The following DDX6 variants were observed in gnomAD, a reference collection of about 807,000 sequenced individuals.
DDX6 encodes the protein probable ATP-dependent RNA helicase DDX6.
DDX6 carries 7 observed loss-of-function variants against 60.6 expected under a neutral mutation model. That is an observed-to-expected ratio of 0.12 (90% confidence interval 0.07 to 0.22). The LOEUF (loss-of-function observed/expected upper bound fraction) is 0.22. DDX6 is among the 10% of genes least tolerant of loss of function. The pLI is 1.00. For missense variants in DDX6, 270 were observed against 589.9 expected (o/e 0.46, Z 5.62); for synonymous variants, 207 against 201.0 (o/e 1.03, Z -0.25).
In DDX6 at chr11:118,781,073, C is replaced by T. The variant is rs558576001; in HGVS notation, c.264+48G>A. The stretch of plus-strand genomic sequence containing the variant: ...GATACCGAGGGACAGCTATACCTCA[C>T]TTCTAGTTCCCCACCATTATTCTAC... On this transcript the variant is annotated intron_variant, in intron 3 of 13. Coordinates refer to ENST00000534980, the MANE Select transcript of DDX6 (RefSeq NM_004397.6). 6 of 1,329,232 alleles carry T rather than the reference C, an allele frequency of 4.5e-6. No homozygotes were observed. The African/African-American group carries it at 8.6e-5, about 19-fold the overall frequency. The allele number at this position is 1,329,232 out of a possible 1,614,324, so 82.3% of individuals were successfully genotyped here.
intron 1 of DDX6, chr11:118,787,856 T>C (rs990377909): frequency 6.6e-6 from 1 of 152,054 alleles, no homozygotes; most frequent in African/African-American, 2.4e-5. Context: ...TATTCATTTA[T>C]AACAAACTTA....
intron 2 of DDX6, 177 bp downstream of exon 2, chr11:118,785,875 T>G: frequency 1.9e-6 from 1 of 529,680 alleles, no homozygotes. Context: ...CTGAACAAAT[T>G]ATGGCAGAAA....
At chr11:118,755,595 T>A (rs781875859) in intron 11 of DDX6, 92 bp from the exon 12 acceptor site, 22 of 694,144 alleles carry the variant, frequency 3.2e-5, no homozygotes, top group Non-Finnish European at 4.9e-5. Flanking sequence ...CCTAAGTTTA[T>A]TAATTTAATT....
At chr11:118,783,573 C>A (rs547073912) in intron 2 of DDX6, among the ~76,000 whole-genome samples, 1 of 151,086 alleles carries the variant, frequency 6.6e-6, no homozygotes, top group Admixed American at 6.6e-5. Flanking sequence ...GAGGCCGAGG[C>A]AGGCAGATCA....
chr11:118,755,007 T>C, intron 12 of DDX6, 120 bp from the exon 13 acceptor site: 1 of 914,256 alleles, frequency 1.1e-6, no homozygotes. Flanking sequence ...CCATTCTTAG[T>C]ATGCAAAACA....
chr11:118,777,897 G>A (rs200972666), intron 4 of DDX6, among the ~76,000 whole-genome samples: 1,998 of 98,844 alleles, frequency 0.02, no homozygotes, highest in African/African-American at 0.025. Context: ...TCAAAAAAGA[G>A]AAAAAAAAAA....
rs1555164650 is a variant in DDX6, at chr11:118,781,178, A to T, written c.207T>A (p.Gly69=). 3 of 1,601,200 alleles carry T rather than the reference A, an allele frequency of 1.9e-6. No individual in the cohort carries two copies. The East Asian group carries it at 6.7e-5, about 36-fold the overall frequency. The change falls in exon 3 of 14, where the codon GGT becomes GGA. Residue 69 remains glycine, a synonymous_variant. Transcript: ENST00000534980. ...GTTTTAAAGTCTTTTTCCAGTCATC[A>T]CCAGGTCTAGAGAGAATACAGTAAA... ...AQSMTTTIKP[G]DDWKKTLKLP... is the part of the protein sequence containing the mutation.
At chr11:118,790,071 C>G (rs1050984058) in intron 1 of DDX6, 1 of 152,184 alleles carries the variant, frequency 6.6e-6, no homozygotes, top group Admixed American at 6.5e-5. Context: ...CCAACAAGAG[C>G]TTTTGTTTGC....
Position 118,747,901 on chromosome 11 carries a change from G to GGCCCC in DDX6, c.*4203_*4204insGGGGC, listed in dbSNP as rs1352818982. 7 of 101,140 alleles carry GGCCCC rather than the reference G, an allele frequency of 6.9e-5. No individual in the cohort carries two copies. Among genetic ancestry groups the GGCCCC allele is most frequent in the Non-Finnish European group, 7.8e-5 (4 of 51,574 alleles). The allele number at this position is 101,140 out of a possible 1,614,324, so 6.3% of individuals were successfully genotyped here. ...CATAACACATCCCAACAAAAACAGAGCCCCCCCCCCCCCCACTGGAACATC... is the reference window on the plus strand; with the variant it reads ...CATAACACATCCCAACAAAAACAGAGGCCCCCCCCCCCCCCCCCCACTGGAACATC... On this transcript the variant is annotated 3_prime_UTR_variant, in exon 14 of 14. Transcript: ENST00000534980.
intron 6 of DDX6, among the ~76,000 whole-genome samples, chr11:118,764,797 C>T (rs1255738597): frequency 1.1e-5 from 1 of 93,196 alleles, no homozygotes; most frequent in Admixed American, 1.1e-4. Context: ...GAGCAAGACT[C>T]CATCTCCAAA....
rs1210696281 is a variant in DDX6 at position 118,750,112 on chromosome 11, T to C, written c.*1993A>G. 3 of 152,608 alleles carry C rather than the reference T, an allele frequency of 2.0e-5. No homozygotes were observed. In the South Asian group the frequency reaches 6.2e-4, roughly 32 times the overall value. The allele number at this position is 152,608 out of a possible 1,614,324, so 9.5% of individuals were successfully genotyped here. A position where few individuals can be genotyped will look rare whatever the true frequency, so the allele number is the denominator to read the frequency against. ...CCAAAAGAGTTAAAACATTAAAGTATATGCGGGACTTATTTTGTAATATTT... is the reference window on the plus strand; with the variant it reads ...CCAAAAGAGTTAAAACATTAAAGTACATGCGGGACTTATTTTGTAATATTT... On this transcript the variant is annotated 3_prime_UTR_variant, in exon 14 of 14. Coordinates refer to ENST00000534980, the MANE Select transcript of DDX6 (RefSeq NM_004397.6).
chr11:118,783,826 T>TAAAAAAAAAAAAAAAAA (rs1591925039), intron 2 of DDX6, among the ~76,000 whole-genome samples: 3 of 55,502 alleles, frequency 5.4e-5, no homozygotes, highest in South Asian at 7.2e-4. Context: ...AAAAAAAAAT[T>TAAAAAAAAAAAAAAAAA]AAAAATAGGC....
intron 5 of DDX6, chr11:118,767,598 T>C (rs1861396865): frequency 6.8e-6 from 1 of 148,096 alleles, no homozygotes; most frequent in African/African-American, 2.5e-5. Context: ...CAATGTCAAC[T>C]AATTTAACTT....
At position 118,783,012 on chromosome 11, in the gene DDX6, A is replaced by G. The variant is rs973911742; in HGVS notation, c.201-1828T>C. On this transcript the variant is annotated intron_variant, in intron 2 of 13. Transcript: ENST00000534980. ...ACCGTTGAATTCAACAAAATAGTGA[A>G]TAATAATGCGTAAGATACAATGCAA... Among the ~76,000 whole-genome samples the G allele has an allele frequency of 5.9e-5, 9 of 152,186 alleles. No homozygotes were observed. The South Asian group carries it at 1.9e-3, about 32-fold the overall frequency.
At chr11:118,768,436 C>G in intron 4 of DDX6, 84 bp from the exon 5 acceptor site, 1 of 1,454,790 alleles carries the variant, frequency 6.9e-7, no homozygotes. Context: ...AAGGATACCT[C>G]TTTCGGTATT....
intron 12 of DDX6, among the ~76,000 whole-genome samples, chr11:118,755,168 TA>T (rs1334707721): frequency 6.6e-6 from 1 of 152,224 alleles, no homozygotes; most frequent in African/African-American, 2.4e-5. Context: ...ACATACCACC[TA>T]ATGAGTGAAG....
rs1860707155 is a variant in DDX6 at position 118,750,125 on chromosome 11, T to C, written c.*1980A>G. 1 of 151,628 alleles carries C rather than the reference T, an allele frequency of 6.6e-6. No homozygotes were observed. The highest frequency in any genetic ancestry group is 2.4e-5 in the African/African-American group (1 of 41,222). The allele number at this position is 151,628 out of a possible 1,614,324, so 9.4% of individuals were successfully genotyped here. A position where few individuals can be genotyped will look rare whatever the true frequency, so the allele number is the denominator to read the frequency against. On this transcript the variant is annotated 3_prime_UTR_variant, in exon 14 of 14. Coordinates refer to ENST00000534980, the MANE Select transcript of DDX6 (RefSeq NM_004397.6). Reference sequence around the variant, plus strand: ...AACATTAAAGTATATGCGGGACTTATTTTGTAATATTTTAGGGTTTTGAAA... The same window carrying C: ...AACATTAAAGTATATGCGGGACTTACTTTGTAATATTTTAGGGTTTTGAAA...
chr11:118,774,240 A>C (rs546093235), intron 4 of DDX6, among the ~76,000 whole-genome samples: 1 of 152,294 alleles, frequency 6.6e-6, no homozygotes, highest in African/African-American at 2.4e-5. Flanking sequence ...TAAGCAGACA[A>C]AAACAGTATA....
At chr11:118,787,890 ATTTAAAAAAACAGGAAAATTCCTG>A (rs1294472451) in intron 1 of DDX6, 1 of 152,088 alleles carries the variant, frequency 6.6e-6, no homozygotes, top group Non-Finnish European at 1.5e-5. Context: ...CTAATTTTAA[ATTTAAAAAAACAGGAAAATTCCTG>A]TTTAAAAAAA....
Sources: gnomAD v4.1 joint callset for allele counts (sites outside exome capture counted in the v4.1 genomes callset) on GRCh38, gnomAD v4.1.1 for gene constraint, MANE v1.5 for transcripts, NCBI Gene and HGNC (gene_info 2026-07-23, HGNC 2026-07-21) for gene names.